Variants in TMPRSS11E observed in about 807,000 individuals in gnomAD.
The protein encoded by TMPRSS11E is transmembrane protease serine 11E.
In TMPRSS11E, 38 loss-of-function variants were observed where a neutral mutation model predicts 48.1. That is an observed-to-expected ratio of 0.79 (90% CI 0.61 to 1.04). The LOEUF (loss-of-function observed/expected upper bound fraction) is 1.04, where lower values mean the gene tolerates loss of function less well. Ranked by LOEUF, TMPRSS11E falls within the 50% of genes least tolerant of loss-of-function variation. The pLI is 0.00. For synonymous variants in TMPRSS11E, 158 were observed against 171.9 expected (o/e 0.92, Z 0.63); for missense variants, 530 against 510.8 (o/e 1.04, Z -0.36).
At chr4:68,469,026 G>C in intron 4 of TMPRSS11E, 80 bp downstream of exon 4, 1 of 1,117,090 alleles carries the variant, frequency 9.0e-7, no homozygotes, top group Non-Finnish European at 1.4e-6. Flanking sequence ...GTTTTCAAGT[G>C]TTAAAGATAT....
At chr4:68,493,582 T>C (rs1223036681) in intron 9 of TMPRSS11E, among the ~76,000 whole-genome samples, 1 of 152,120 alleles carries the variant, frequency 6.6e-6, no homozygotes, top group Non-Finnish European at 1.5e-5. Flanking sequence ...TTCTCTCGCC[T>C]CAGCCTCCTG....
chr4:68,450,470 A>G (rs887575940), intron 1 of TMPRSS11E, among the ~76,000 whole-genome samples: 6 of 151,852 alleles, frequency 4.0e-5, no homozygotes, highest in Non-Finnish European at 8.8e-5. Context: ...CCTGTAACAT[A>G]TTGTCTACCA....
intron 9 of TMPRSS11E, among the ~76,000 whole-genome samples, chr4:68,491,819 G>T (rs2109722891): frequency 6.6e-6 from 1 of 152,122 alleles, no homozygotes; most frequent in South Asian, 2.1e-4. Flanking sequence ...TAATTTCTAA[G>T]ATTTTTTTTT....
At chr4:68,450,541 A>G (rs1388980074) in intron 1 of TMPRSS11E, among the ~76,000 whole-genome samples, 1 of 151,978 alleles carries the variant, frequency 6.6e-6, no homozygotes, top group Non-Finnish European at 1.5e-5. Flanking sequence ...ATGGCAACAG[A>G]GAAATAGAAA....
At chr4:68,452,188 T>C (rs1322050235) in intron 1 of TMPRSS11E, among the ~76,000 whole-genome samples, 2 of 152,014 alleles carry the variant, frequency 1.3e-5, no homozygotes, top group African/African-American at 4.8e-5. Context: ...TGTATACTGA[T>C]GTCAATACAG....
intron 4 of TMPRSS11E, 71 bp from the exon 5 acceptor site, chr4:68,471,389 C>T: frequency 8.5e-6 from 2 of 235,356 alleles, no homozygotes; most frequent in Middle Eastern, 1.2e-3. Context: ...TCCCTCCCTC[C>T]CTCCCTCCCT....
At chr4:68,448,385 GAAGCAACTAA>G (rs1210149332) in intron 1 of TMPRSS11E, among the ~76,000 whole-genome samples, 24 of 151,898 alleles carry the variant, frequency 1.6e-4, no homozygotes, top group Non-Finnish European at 4.4e-5. Context: ...ACATATCCAT[GAAGCAACTAA>G]AAGCTACGGA....
intron 8 of TMPRSS11E, 145 bp from the exon 9 acceptor site, chr4:68,478,704 C>T (rs1729313304): frequency 1.2e-6 from 1 of 800,976 alleles, no homozygotes; most frequent in African/African-American, 1.7e-5. Flanking sequence ...ATCCTCCAAT[C>T]TCGGCCTCTC....
At chr4:68,496,620 C>T (rs566203604) in intron 9 of TMPRSS11E, 23 bp from the exon 10 acceptor site, 1 of 1,596,852 alleles carries the variant, frequency 6.3e-7, no homozygotes, top group South Asian at 1.1e-5. Context: ...TTATGAATTA[C>T]TAATTTCTGT....
intron 4 of TMPRSS11E, 120 bp downstream of exon 4, chr4:68,469,066 TC>T: frequency 1.2e-6 from 1 of 846,102 alleles, no homozygotes; most frequent in South Asian, 1.5e-5. Context: ...TTGACACTTG[TC>T]CTGTGTAAGT....
intron 1 of TMPRSS11E, among the ~76,000 whole-genome samples, chr4:68,450,314 A>C (rs146213241): frequency 2.6e-5 from 4 of 152,032 alleles, no homozygotes; most frequent in Admixed American, 6.6e-5. Flanking sequence ...AATTTCATTA[A>C]ATTTTGGTAA....
At chr4:68,456,352 G>A (rs944447132) in intron 1 of TMPRSS11E, among the ~76,000 whole-genome samples, 2 of 151,968 alleles carry the variant, frequency 1.3e-5, no homozygotes, top group African/African-American at 4.8e-5. Flanking sequence ...CCAAGCGCCT[G>A]GCTGATGCTA....
Position 68,496,822 on chromosome 4 carries a change from G to A in TMPRSS11E, c.*18G>A. On this transcript the variant is annotated 3_prime_UTR_variant, in exon 10 of 10. Transcript: ENST00000305363. ...GTATCTAAGAGAGAAAAGCCTCATG[G>A]AACAGATAACATTTTTTTTTGTTTT... The A allele has an allele frequency of 6.3e-7, 1 of 1,584,660 alleles. No individual in the cohort carries two copies. The highest frequency in any genetic ancestry group is 8.6e-7 in the Non-Finnish European group (1 of 1,168,984).
At chr4:68,471,743 T>C (rs2109689443) in intron 5 of TMPRSS11E, 120 bp downstream of exon 5, 1 of 648,010 alleles carries the variant, frequency 1.5e-6, no homozygotes, top group Non-Finnish European at 2.4e-6. Flanking sequence ...ACCAACAGTA[T>C]ATTTCTTTGG....
intron 5 of TMPRSS11E, among the ~76,000 whole-genome samples, chr4:68,473,799 G>T (rs1729139099): frequency 6.6e-6 from 1 of 152,068 alleles, no homozygotes; most frequent in African/African-American, 2.4e-5. Context: ...TTGAAACAAA[G>T]AGATCAGAGG....
At chr4:68,481,186 T>C (rs917988582) in intron 9 of TMPRSS11E, among the ~76,000 whole-genome samples, 13 of 152,246 alleles carry the variant, frequency 8.5e-5, no homozygotes, top group Non-Finnish European at 2.9e-5. Flanking sequence ...TTACCACATT[T>C]TCTGTATCCA....
chr4:68,473,273 T>A (rs1235750349), intron 5 of TMPRSS11E, among the ~76,000 whole-genome samples: 1 of 152,074 alleles, frequency 6.6e-6, no homozygotes, highest in Non-Finnish European at 1.5e-5. Flanking sequence ...TATGGCAGGA[T>A]CTGTTGTTCA....
At chr4:68,477,195 G>A (rs1729245874) in intron 7 of TMPRSS11E, among the ~76,000 whole-genome samples, 174 bp from the exon 8 acceptor site, 1 of 151,758 alleles carries the variant, frequency 6.6e-6, no homozygotes, top group Admixed American at 6.6e-5. Context: ...AGGAAATGGT[G>A]GCTTTTTCAC....
chr4:68,480,191 T>C (rs984808), intron 9 of TMPRSS11E, among the ~76,000 whole-genome samples: 100,440 of 151,916 alleles, frequency 0.66, 33,587 homozygotes, highest in East Asian at 0.86. Flanking sequence ...GAGAAATTTT[T>C]GGTCATTATT....
Sources: gnomAD v4.1 joint callset for allele counts (sites outside exome capture counted in the v4.1 genomes callset) on GRCh38, gnomAD v4.1.1 for gene constraint, MANE v1.5 for transcripts, NCBI Gene and HGNC (gene_info 2026-07-23, HGNC 2026-07-21) for gene names.